Variants in ANKS1B observed in about 807,000 individuals in gnomAD.
ANKS1B encodes the protein ankyrin repeat and sterile alpha motif domain-containing protein 1B.
A neutral mutation model predicts 148.3 loss-of-function variants in ANKS1B; 36 were observed. That is an observed-to-expected ratio of 0.24 (90% CI 0.19 to 0.32). The LOEUF (loss-of-function observed/expected upper bound fraction) is 0.32, where lower values mean the gene tolerates loss of function less well. Among genes scored for constraint, ANKS1B ranks in the 10% least tolerant of loss-of-function variants. The pLI is 1.00. For missense variants in ANKS1B, 1,157 were observed against 1,542.6 expected (o/e 0.75, Z 4.19); for synonymous variants, 542 against 560.8 (o/e 0.97, Z 0.47).
rs1468849438 is a variant in ANKS1B, at chr12:98,780,744, T to C, written c.3441+373A>G. Among the ~76,000 whole-genome samples, 3 of 152,216 alleles carry C rather than the reference T, an allele frequency of 2.0e-5. No homozygotes were observed. The East Asian group carries it at 5.8e-4, about 29-fold the overall frequency. On this transcript the variant is annotated intron_variant, in intron 24 of 26. Coordinates refer to ENST00000683438, the MANE Select transcript of ANKS1B (RefSeq NM_001352186.2). Reference sequence around the variant, plus strand: ...AACATCTCCTCTGATGGAGGAGTGATGACATTGTTGACTTTTCAATCTACA... The same window carrying C: ...AACATCTCCTCTGATGGAGGAGTGACGACATTGTTGACTTTTCAATCTACA...
intron 1 of ANKS1B, among the ~76,000 whole-genome samples, chr12:99,852,560 A>G (rs186324305): frequency 6.6e-6 from 1 of 152,334 alleles, no homozygotes; most frequent in Admixed American, 6.5e-5. Flanking sequence ...ATCAGTCAAG[A>G]AATAGAGAAA....
intron 17 of ANKS1B, among the ~76,000 whole-genome samples, chr12:98,980,784 C>A (rs2099908905): frequency 1.3e-5 from 2 of 152,138 alleles, no homozygotes; most frequent in Admixed American, 6.5e-5. Flanking sequence ...CTAGCCTGAG[C>A]CTCTCCAAAC....
chr12:99,946,194 G>A (rs532539993), intron 1 of ANKS1B, among the ~76,000 whole-genome samples: 2 of 152,276 alleles, frequency 1.3e-5, no homozygotes, highest in East Asian at 3.9e-4. Context: ...AAAGGAGGAG[G>A]AGAGAATATG....
intron 14 of ANKS1B, among the ~76,000 whole-genome samples, chr12:99,216,821 A>G (rs1185494461): frequency 6.6e-6 from 1 of 152,250 alleles, no homozygotes; most frequent in Admixed American, 6.5e-5. Flanking sequence ...GCCAAAGACT[A>G]CATCTCTTAG....
intron 12 of ANKS1B, among the ~76,000 whole-genome samples, chr12:99,257,761 T>C (rs568166793): frequency 6.6e-6 from 1 of 152,324 alleles, no homozygotes; most frequent in African/African-American, 2.4e-5. Flanking sequence ...CTATGGAAGC[T>C]TGTCAATCTC....
At chr12:99,353,457 C>G (rs1160444911) in intron 12 of ANKS1B, among the ~76,000 whole-genome samples, 1 of 151,948 alleles carries the variant, frequency 6.6e-6, no homozygotes, top group African/African-American at 2.4e-5. Context: ...ATAAGATACC[C>G]AGGTCATATC....
chr12:98,940,166 C>T (rs1203162852), intron 17 of ANKS1B, among the ~76,000 whole-genome samples: 2 of 152,188 alleles, frequency 1.3e-5, no homozygotes, highest in African/African-American at 2.4e-5. Flanking sequence ...ACTGGCAGGA[C>T]CCACTCCAGG....
intron 17 of ANKS1B, among the ~76,000 whole-genome samples, chr12:99,017,135 C>G (rs1039197270): frequency 3.9e-5 from 6 of 152,162 alleles, no homozygotes; most frequent in African/African-American, 1.4e-4. Flanking sequence ...ACTGCCTTTG[C>G]AAAATTATTA....
chr12:99,615,204 C>G (rs10745864), intron 9 of ANKS1B, among the ~76,000 whole-genome samples: 2 of 151,914 alleles, frequency 1.3e-5, no homozygotes, highest in East Asian at 1.9e-4. Context: ...GACAGACAGA[C>G]AGATACACAC....
chr12:99,333,773 A>G (rs2088062911), intron 12 of ANKS1B, among the ~76,000 whole-genome samples: 1 of 149,676 alleles, frequency 6.7e-6, no homozygotes, highest in Non-Finnish European at 1.5e-5. Context: ...CCCCTTTTCT[A>G]GTCCCACATT....
intron 8 of ANKS1B, among the ~76,000 whole-genome samples, chr12:99,695,666 A>G (rs1467054970): frequency 6.6e-6 from 1 of 152,162 alleles, no homozygotes; most frequent in Non-Finnish European, 1.5e-5. Context: ...ACTTACAAAT[A>G]GGAGCTGAAC....
intron 9 of ANKS1B, among the ~76,000 whole-genome samples, chr12:99,506,770 A>G (rs2096716163): frequency 6.6e-6 from 1 of 152,034 alleles, no homozygotes; most frequent in African/African-American, 2.4e-5. Flanking sequence ...AATTAATGAT[A>G]TTGTTTACCT....
chr12:99,411,343 G>T (rs182329729), intron 11 of ANKS1B, among the ~76,000 whole-genome samples: 1 of 152,122 alleles, frequency 6.6e-6, no homozygotes, highest in Non-Finnish European at 1.5e-5. Flanking sequence ...TCAGGATAAC[G>T]GTCTCTAGCT....
chr12:99,217,801 AC>A (rs1241712343), intron 14 of ANKS1B, among the ~76,000 whole-genome samples: 7 of 152,148 alleles, frequency 4.6e-5, no homozygotes, highest in Non-Finnish European at 7.3e-5. Context: ...TTTAGGGATT[AC>A]CTCCAATCCT....
intron 17 of ANKS1B, among the ~76,000 whole-genome samples, chr12:98,952,843 T>A (rs926114021): frequency 1.3e-5 from 2 of 152,176 alleles, no homozygotes; most frequent in Non-Finnish European, 2.9e-5. Flanking sequence ...AAGTTCAAAA[T>A]CATTGTTATC....
intron 1 of ANKS1B, among the ~76,000 whole-genome samples, chr12:99,932,851 G>T (rs1029447103): frequency 6.6e-6 from 1 of 152,116 alleles, no homozygotes; most frequent in Non-Finnish European, 1.5e-5. Context: ...CCAGTCCAAT[G>T]TCCTGAAGAG....
intron 12 of ANKS1B, among the ~76,000 whole-genome samples, chr12:99,281,783 G>A (rs1322540670): frequency 6.6e-6 from 1 of 152,106 alleles, no homozygotes; most frequent in African/African-American, 2.4e-5. Flanking sequence ...GGCTGTCATA[G>A]GTTTAATTCA....
At chr12:99,694,561 A>G (rs2053613840) in intron 8 of ANKS1B, among the ~76,000 whole-genome samples, 1 of 152,150 alleles carries the variant, frequency 6.6e-6, no homozygotes, top group Non-Finnish European at 1.5e-5. Flanking sequence ...ACTGTAAAAG[A>G]TAAATAAAAC....
chr12:99,312,405 GA>G (rs1376465665), intron 12 of ANKS1B, among the ~76,000 whole-genome samples: 2 of 152,156 alleles, frequency 1.3e-5, no homozygotes, highest in African/African-American at 4.8e-5. Flanking sequence ...ATCTGCATAG[GA>G]AGTGGTGAAA....
Sources: gnomAD v4.1 joint callset for allele counts (sites outside exome capture counted in the v4.1 genomes callset) on GRCh38, gnomAD v4.1.1 for gene constraint, MANE v1.5 for transcripts, NCBI Gene and HGNC (gene_info 2026-07-23, HGNC 2026-07-21) for gene names.